The following SH3BP4 variants were observed in gnomAD, a reference collection of about 807,000 sequenced individuals.
SH3BP4 encodes SH3 domain binding protein 4.
In SH3BP4, 33 loss-of-function variants were observed where a neutral mutation model predicts 65.5. The ratio of observed to expected loss-of-function variants is 0.50; its 90% confidence interval spans 0.38 to 0.67. The LOEUF is 0.67. SH3BP4 is among the 30% of genes least tolerant of loss of function. The probability of loss-of-function intolerance (pLI) is 0.00; values close to 1 mark genes in which losing one functional copy is unlikely to be tolerated. For missense variants in SH3BP4, 1,134 were observed against 1,261.4 expected (o/e 0.90, Z 1.53); for synonymous variants, 552 against 545.5 (o/e 1.01, Z -0.17).
At chr2:235,002,712 C>A (rs35586032) in intron 2 of SH3BP4, among the ~76,000 whole-genome samples, 1 of 152,110 alleles carries the variant, frequency 6.6e-6, no homozygotes, top group African/African-American at 2.4e-5. Flanking sequence ...CATGACAGAG[C>A]GAGACCCTGT....
At position 235,038,302 on chromosome 2, in the gene SH3BP4, T is replaced by TA. The variant is rs1695476382; in HGVS notation, c.119-2585dup. On this transcript the variant is annotated intron_variant, in intron 3 of 5. Coordinates refer to ENST00000392011, the MANE Select transcript of SH3BP4 (RefSeq NM_014521.3). ...TATATTATATATAATATATATATTATATATATATATTATATATTATATATA... is the reference window on the plus strand; with the variant it reads ...TATATTATATATAATATATATATTATAATATATATATTATATATTATATATA... Among the ~76,000 whole-genome samples the TA allele has an allele frequency of 1.8e-3, 20 of 10,984 alleles. No individual in the cohort carries two copies. In the African/African-American group the frequency reaches 0.019, roughly 11 times the overall value. The allele number at this position is 10,984 out of a possible 152,430, so 7.2% of individuals were successfully genotyped here. A position where few individuals can be genotyped will look rare whatever the true frequency, so the allele number is the denominator to read the frequency against.
chr2:234,979,505 C>T (rs1574787034), intron 1 of SH3BP4: 1 of 152,232 alleles, frequency 6.6e-6, no homozygotes, highest in Admixed American at 6.5e-5. Context: ...TTCAGTGATC[C>T]ACACCTCCTG....
At chr2:235,017,445 C>CAA (rs556712981) in intron 2 of SH3BP4, among the ~76,000 whole-genome samples, 383 of 74,954 alleles carry the variant, frequency 5.1e-3, no homozygotes, top group Middle Eastern at 0.047. Context: ...GACTCAGTCT[C>CAA]AAAAAAAAAA....
At position 235,010,055 on chromosome 2, in the gene SH3BP4, T is replaced by C. The variant is rs370003161; in HGVS notation, c.-133+14679T>C. On this transcript the variant is annotated intron_variant, in intron 2 of 5. Transcript: ENST00000392011. Reference sequence around the variant, plus strand: ...AGGGTTACCTCCTGCTTGTCTACCCTTCGTCCCATCCCCGGGATCCCCCAA... The same window carrying C: ...AGGGTTACCTCCTGCTTGTCTACCCCTCGTCCCATCCCCGGGATCCCCCAA... 8.3e-4 allele frequency among the ~76,000 whole-genome samples: 126 copies of C among 151,526 alleles called. 1 individual carries two copies. Among genetic ancestry groups the C allele is most frequent in the African/African-American group, 2.8e-3 (115 of 41,494 alleles).
chr2:235,047,094 C>G (rs1382069607), intron 4 of SH3BP4, among the ~76,000 whole-genome samples: 1 of 152,166 alleles, frequency 6.6e-6, no homozygotes, highest in Non-Finnish European at 1.5e-5. Flanking sequence ...CTGTGGGTGG[C>G]TATTCTGACA....
At position 235,042,247 on chromosome 2, in the gene SH3BP4, C is replaced by A. The variant is rs199703796; in HGVS notation, c.1478C>A (p.Thr493Asn). The A allele has an allele frequency of 6.2e-7, 1 of 1,614,092 alleles. No homozygotes were observed. Among genetic ancestry groups the A allele is most frequent in the African/African-American group, 1.3e-5 (1 of 75,010 alleles). ...HIHPSFKTVV[T>N]IFGHDCAPKT... ...CACCCATCCTTCAAGACGGTAGTGA[C>A]CATTTTTGGGCATGACTGTGCCCCA... Residue 493 changes from threonine (T) to asparagine (N), a missense_variant, in exon 4 of 6, where the codon ACC becomes AAC. By Grantham distance (65) the Thr-to-Asn change is moderately conservative. Coordinates refer to ENST00000392011, the MANE Select transcript of SH3BP4 (RefSeq NM_014521.3). The surrounding 1 kb of genome is among the most constrained non-coding windows in gnomAD (Gnocchi z 7.3).
intron 1 of SH3BP4, among the ~76,000 whole-genome samples, chr2:234,961,066 C>T (rs2106240459): frequency 6.6e-6 from 1 of 152,288 alleles, no homozygotes; most frequent in South Asian, 2.1e-4. Context: ...CCCCACACAC[C>T]TGTCTGTGTC....
chr2:235,011,163 A>G (rs1694489292), intron 2 of SH3BP4, among the ~76,000 whole-genome samples: 2 of 145,078 alleles, frequency 1.4e-5, no homozygotes, highest in South Asian at 4.4e-4. Context: ...CTCCTAGGAG[A>G]ACCCTTCCTC....
At position 235,043,077 on chromosome 2, in the gene SH3BP4, C is replaced by A. The variant is rs766364023; in HGVS notation, c.2308C>A (p.Arg770Ser). Reference protein sequence around the residue: ...TLLMENISSWRSFADALGYVN... With the variant: ...TLLMENISSWSSFADALGYVN... ...GCTCATGGAGAACATCAGCAGCTGG[C>A]GCTCCTTCGCTGACGCCCTGGGCTA... Residue 770 changes from arginine to serine, a missense_variant, in exon 4 of 6, where the codon CGC becomes AGC. Transcript: ENST00000392011. The A allele has an allele frequency of 1.2e-6, 2 of 1,613,252 alleles. No homozygotes were observed. Among genetic ancestry groups the A allele is most frequent in the Non-Finnish European group, 8.5e-7 (1 of 1,179,678 alleles).
At chr2:235,000,237 A>T (rs1361941499) in intron 2 of SH3BP4, among the ~76,000 whole-genome samples, 1 of 151,274 alleles carries the variant, frequency 6.6e-6, no homozygotes, top group African/African-American at 2.4e-5. Context: ...ACTCCCTACA[A>T]CCCTATCACG....
chr2:234,954,037 CAGTT>C (rs1327079505), intron 1 of SH3BP4, among the ~76,000 whole-genome samples: 1 of 152,030 alleles, frequency 6.6e-6, no homozygotes, highest in Non-Finnish European at 1.5e-5. Flanking sequence ...TCCAAAAGAA[CAGTT>C]AGTTCTGGGA....
At position 235,041,521 on chromosome 2, in the gene SH3BP4, C is replaced by G; in HGVS notation, c.752C>G (p.Ser251Cys). Residue 251 changes from serine to cysteine, a missense_variant, in exon 4 of 6, where the codon TCC (serine) becomes TGC (cysteine). By Grantham distance (112) the Ser-to-Cys change is moderately radical. Coordinates refer to ENST00000392011, the MANE Select transcript of SH3BP4 (RefSeq NM_014521.3). The surrounding 1 kb of genome is among the most constrained non-coding windows in gnomAD (Gnocchi z 6.0). ...SKRSYSLSEL[S>C]VLQAKSDAPT... ...CGCTCCTACAGTCTCTCGGAACTCTCCGTCCTCCAAGCCAAGTCCGATGCT... is the reference window on the plus strand; with the variant it reads ...CGCTCCTACAGTCTCTCGGAACTCTGCGTCCTCCAAGCCAAGTCCGATGCT... The G allele has an allele frequency of 6.2e-7, 1 of 1,614,160 alleles. No homozygotes were observed. Among genetic ancestry groups the G allele is most frequent in the Non-Finnish European group, 8.5e-7 (1 of 1,180,044 alleles).
intron 4 of SH3BP4, among the ~76,000 whole-genome samples, chr2:235,048,013 A>G (rs1695926922): frequency 1.3e-5 from 2 of 152,126 alleles, no homozygotes; most frequent in South Asian, 2.1e-4. Context: ...CATGGGGCGC[A>G]TTGGGGCGGG....
chr2:234,987,425 G>A (rs186220418), intron 1 of SH3BP4, among the ~76,000 whole-genome samples: 223 of 152,222 alleles, frequency 1.5e-3, no homozygotes, highest in Non-Finnish European at 2.5e-3. Context: ...GTACGTTAGA[G>A]CCCCATGTTA....
intron 1 of SH3BP4, among the ~76,000 whole-genome samples, chr2:234,957,253 A>G (rs1487940701): frequency 6.6e-6 from 1 of 152,100 alleles, no homozygotes; most frequent in Non-Finnish European, 1.5e-5. Context: ...TCCTGACCTC[A>G]GGTGAACGGC....
chr2:234,959,514 T>C (rs1692658935), intron 1 of SH3BP4, among the ~76,000 whole-genome samples: 1 of 152,206 alleles, frequency 6.6e-6, no homozygotes, highest in African/African-American at 2.4e-5. Context: ...TTCCTCCCTA[T>C]GAATAATAAA....
At chr2:235,009,368 A>G (rs2082140941) in intron 2 of SH3BP4, among the ~76,000 whole-genome samples, 1 of 152,122 alleles carries the variant, frequency 6.6e-6, no homozygotes. Context: ...GAAAGGACCA[A>G]AGTGTCACTG....
chr2:234,963,406 G>T (rs1692760338), intron 1 of SH3BP4, among the ~76,000 whole-genome samples: 1 of 152,032 alleles, frequency 6.6e-6, no homozygotes, highest in Admixed American at 6.6e-5. Context: ...GTGACGTTGG[G>T]AAGAGTTCCA....
At chr2:234,990,218 T>C (rs981078656) in intron 1 of SH3BP4, among the ~76,000 whole-genome samples, 1 of 152,216 alleles carries the variant, frequency 6.6e-6, no homozygotes, top group African/African-American at 2.4e-5. Context: ...TGTATTTAGT[T>C]CTACTTTGTA....
Sources: gnomAD v4.1 joint callset for allele counts (sites outside exome capture counted in the v4.1 genomes callset) on GRCh38, gnomAD v4.1.1 for gene constraint, Gnocchi (gnomAD v3.1) non-coding constraint, MANE v1.5 for transcripts, NCBI Gene and HGNC (gene_info 2026-07-23, HGNC 2026-07-21) for gene names.